The following PLCH2 variants were observed in gnomAD, a reference collection of about 807,000 sequenced individuals.
PLCH2 encodes 1-phosphatidylinositol 4,5-bisphosphate phosphodiesterase eta-2.
In PLCH2, 98 loss-of-function variants were observed where a neutral mutation model predicts 134.7. That is an observed-to-expected ratio of 0.73 (90% CI 0.62 to 0.86). PLCH2 has a LOEUF of 0.86. Ranked by LOEUF, PLCH2 falls within the 40% of genes least tolerant of loss-of-function variation. The pLI is 0.00. For missense variants in PLCH2, 1,994 were observed against 1,986.6 expected, an observed-to-expected ratio of 1.00 and a Z score of -0.07; for synonymous variants, 974 against 827.5, an observed-to-expected ratio of 1.18 and a Z score of -3.04.
intron 11 of PLCH2, among the ~76,000 whole-genome samples, chr1:2,494,137 C>A (rs1642741836): frequency 6.6e-6 from 1 of 152,108 alleles, no homozygotes; most frequent in Admixed American, 6.5e-5. Context: ...CCCTCCTGAG[C>A]ACAGCTGGGC....
chr1:2,423,759 T>C (rs1638637808), upstream of PLCH2, among the ~76,000 whole-genome samples: 1 of 152,192 alleles, frequency 6.6e-6, no homozygotes, highest in African/African-American at 2.4e-5. Context: ...ATCAACCTTT[T>C]ACAATGTTTA....
At position 2,448,331 on chromosome 1, in the gene PLCH2, C is replaced by G. The variant is rs957849793; in HGVS notation, c.115+17702C>G. On this transcript the variant is annotated intron_variant, in intron 2 of 3. Transcript: ENST00000609981. The surrounding 1 kb of genome is among the most constrained non-coding windows in gnomAD (Gnocchi z 4.0). ...GGCCGCGCTCCCTCTGCAGGCTCCC[C>G]GGGAGGAACTTCCTGGCCTCCTCCA... is the stretch of plus-strand genomic sequence containing the variant. Among the ~76,000 whole-genome samples the G allele has an allele frequency of 4.6e-5, 7 of 152,194 alleles. No individual in the cohort carries two copies. In the East Asian group the frequency reaches 1.4e-3, roughly 29 times the overall value.
In PLCH2 at chr1:2,505,290, C is replaced by T; in HGVS notation, c.*77C>T. On this transcript the variant is annotated 3_prime_UTR_variant, in exon 22 of 22. Transcript: ENST00000378486. Reference sequence around the variant, plus strand: ...CGTGTTGTTTGCTCAGGAAACAGGGCAGCCAGGCCCCCAAAACTGTGTCCC... The same window carrying T: ...CGTGTTGTTTGCTCAGGAAACAGGGTAGCCAGGCCCCCAAAACTGTGTCCC... The T allele has an allele frequency of 2.6e-6, 3 of 1,160,550 alleles. No homozygotes were observed. Among genetic ancestry groups the T allele is most frequent in the Non-Finnish European group, 3.6e-6 (3 of 832,732 alleles). 71.9% of individuals were successfully genotyped at this position (1,160,550 alleles called of 1,614,324 possible). A position where few individuals can be genotyped will look rare whatever the true frequency, so the allele number is the denominator to read the frequency against.
Position 2,499,201 on chromosome 1 carries a change from G to A in PLCH2, c.2552G>A (p.Arg851Lys). ...DPIGRDFIGQ[R>K]TLAFSSMMPG... ...ATCGGGCGTGACTTCATTGGCCAGA[G>A]GACGCTGGCCTTCAGCAGCATGATG... Residue 851 changes from arginine (R) to lysine (K), a missense_variant, in exon 19 of 22, where the codon AGG (arginine) becomes AAG (lysine). Transcript: ENST00000378486. The A allele has an allele frequency of 2.5e-6, 4 of 1,613,064 alleles. No homozygotes were observed. Among genetic ancestry groups the A allele is most frequent in the Non-Finnish European group, 3.4e-6 (4 of 1,179,788 alleles).
intron 1 of PLCH2, among the ~76,000 whole-genome samples, chr1:2,427,975 G>A (rs889412936): frequency 2.6e-5 from 4 of 152,308 alleles, no homozygotes; most frequent in African/African-American, 7.2e-5. Flanking sequence ...GGCTTCGAGG[G>A]CAGAGGTCCC....
At chr1:2,487,756 G>T in intron 8 of PLCH2, 38 bp downstream of exon 8, 1 of 1,596,098 alleles carries the variant, frequency 6.3e-7, no homozygotes, top group South Asian at 1.1e-5. Context: ...CCCCAGAGGT[G>T]GGCAGGGTAG....
intron 10 of PLCH2, among the ~76,000 whole-genome samples, chr1:2,490,347 C>T (rs1642505678): frequency 6.6e-6 from 1 of 152,198 alleles, no homozygotes; most frequent in African/African-American, 2.4e-5. Context: ...CAAGCAGTGC[C>T]ATCTCTAAGG....
chr1:2,490,540 C>T (rs1020096791), intron 10 of PLCH2, among the ~76,000 whole-genome samples: 1 of 152,104 alleles, frequency 6.6e-6, no homozygotes, highest in Non-Finnish European at 1.5e-5. Context: ...GCAGGGAAGG[C>T]CGTTGCTTCC....
At chr1:2,440,571 G>A (rs1639643110) in intron 2 of PLCH2, among the ~76,000 whole-genome samples, 1 of 102,586 alleles carries the variant, frequency 9.7e-6, no homozygotes, top group Non-Finnish European at 1.8e-5. Context: ...GCCCGCCCGG[G>A]GATCTTGCAT....
chr1:2,487,238 C>A lies in PLCH2; in HGVS notation c.976C>A (p.Gln326Lys). 1 of 1,608,524 alleles carries A rather than the reference C, an allele frequency of 6.2e-7. No individual in the cohort carries two copies. The change falls in exon 7 of 22, where the codon CAG becomes AAG. Residue 326 changes from glutamine to lysine, a missense_variant. Around this residue, in one of 2 missense-constraint regions of PLCH2, gnomAD observed 1,094 missense variants for 1,234.3 expected, o/e 0.89. Coordinates refer to ENST00000378486, the MANE Select transcript of PLCH2 (RefSeq NM_014638.4). Reference sequence around the variant, plus strand: ...CAACCCTGAGCACCACCATGTGCACCAGGACATGACGCAGCCGCTGAGCCA... The same window carrying A: ...CAACCCTGAGCACCACCATGTGCACAAGGACATGACGCAGCCGCTGAGCCA... ...IFNPEHHHVH[Q>K]DMTQPLSHYF...
At chr1:2,489,163 T>G in intron 8 of PLCH2, 44 bp from the exon 9 acceptor site, 1 of 1,587,264 alleles carries the variant, frequency 6.3e-7, no homozygotes. Context: ...ACCCATCCTC[T>G]GAGGCCCTGG....
chr1:2,479,594 C>G (rs1352203393), intron 2 of PLCH2, 140 bp from the exon 3 acceptor site: 2 of 798,574 alleles, frequency 2.5e-6, no homozygotes, highest in African/African-American at 1.7e-5. Flanking sequence ...TTCTTGAACT[C>G]TGGACCCTGA....
Position 2,431,788 on chromosome 1 carries a change from T to A in PLCH2, c.115+1159T>A, listed in dbSNP as rs180835330. On this transcript the variant is annotated intron_variant, in intron 2 of 3. Transcript: ENST00000609981. ...ACCCCTTGTTACTGTCCCCGCCCCA[T>A]GCCTGGGTGGTGGATGCTGAGGGAG... 3.3e-4 allele frequency among the ~76,000 whole-genome samples: 50 copies of A among 152,274 alleles called. No individual in the cohort carries two copies. The East Asian group carries it at 9.5e-3, about 29-fold the overall frequency.
chr1:2,494,571 T>G, intron 11 of PLCH2: 1 of 548,088 alleles, frequency 1.8e-6, no homozygotes, highest in South Asian at 2.0e-5. Flanking sequence ...AAACAACACA[T>G]GAGAGACGCT....
Position 2,504,479 on chromosome 1 carries a change from G to A in PLCH2, c.3517G>A (p.Ala1173Thr), listed in dbSNP as rs1397414818. 1.9e-6 allele frequency: 3 copies of A among 1,612,366 alleles called. No individual in the cohort carries two copies. The highest frequency in any genetic ancestry group is 2.5e-6 in the Non-Finnish European group (3 of 1,179,704). ...CCTGGGCCGCAGCCGTGAGAACCTC[G>A]CTGGAGCCCACATGGGACGCCTGCC... ...LGLGRSRENLAGAHMGRLPPR... is the reference protein window; with the variant it reads ...LGLGRSRENLTGAHMGRLPPR... The change falls in exon 22 of 22, where the codon GCT becomes ACT. Residue 1173 changes from alanine to threonine, a missense_variant. This residue lies in a region of PLCH2 where 900 missense variants were observed against 752.3 expected (regional missense o/e 1.20). Transcript: ENST00000378486.
intron 2 of PLCH2, 23 bp downstream of exon 2, chr1:2,478,645 G>A (rs777511809): frequency 6.3e-7 from 1 of 1,592,438 alleles, no homozygotes; most frequent in South Asian, 1.1e-5. Flanking sequence ...CCTGGGGTGG[G>A]GACAAATCAG....
chr1:2,429,202 A>T (rs1476809876), intron 1 of PLCH2, among the ~76,000 whole-genome samples: 1 of 151,954 alleles, frequency 6.6e-6, no homozygotes, highest in Non-Finnish European at 1.5e-5. Flanking sequence ...GGCCCTGGGG[A>T]GAGAGACATG....
chr1:2,420,954 C>CTTT, the PLCH2 span, among the ~76,000 whole-genome samples: 575 of 139,512 alleles, frequency 4.1e-3, 8 homozygotes, highest in African/African-American at 9.0e-3. Context: ...TCCCTTCACA[C>CTTT]TTTTTTTTTT....
At chr1:2,462,162 A>AC (rs570650789) in intron 2 of PLCH2, among the ~76,000 whole-genome samples, 3 of 20,046 alleles carry the variant, frequency 1.5e-4, no homozygotes, top group South Asian at 2.1e-3. Flanking sequence ...TACACCTGAC[A>AC]CCCCTCTGCC....
Sources: allele counts gnomAD v4.1 joint callset (sites outside exome capture counted in the v4.1 genomes callset), GRCh38; gene constraint gnomAD v4.1.1; regional missense constraint gnomAD v4.1.1; non-coding constraint Gnocchi (gnomAD v3.1); transcripts MANE v1.5; gene names NCBI Gene and HGNC (gene_info 2026-07-23, HGNC 2026-07-21).